Variants in SEMA5A observed in about 807,000 individuals in gnomAD.
SEMA5A encodes semaphorin-5A.
SEMA5A carries 55 observed loss-of-function variants against 135.5 expected under a neutral mutation model. The ratio of observed to expected loss-of-function variants is 0.41; its 90% confidence interval spans 0.33 to 0.51. SEMA5A has a LOEUF of 0.51. Ranked by LOEUF, SEMA5A falls within the 20% of genes least tolerant of loss-of-function variation. The pLI is 0.37. For synonymous variants in SEMA5A, 580 were observed against 546.5 expected (o/e 1.06, Z -0.85); for missense variants, 1,290 against 1,419.9 (o/e 0.91, Z 1.47).
intron 3 of SEMA5A, among the ~76,000 whole-genome samples, chr5:9,371,104 C>T (rs936586410): frequency 6.6e-6 from 1 of 152,130 alleles, no homozygotes; most frequent in African/African-American, 2.4e-5. Flanking sequence ...ACTTTACTTA[C>T]AAGCAATCCA....
chr5:9,498,262 G>A (rs1165056087), intron 1 of SEMA5A: 2 of 152,098 alleles, frequency 1.3e-5, no homozygotes, highest in Non-Finnish European at 2.9e-5. Context: ...AACCATCCTG[G>A]GGCCAGGCAC....
At chr5:9,169,584 C>T (rs557497845) in intron 11 of SEMA5A, among the ~76,000 whole-genome samples, 1 of 152,156 alleles carries the variant, frequency 6.6e-6, no homozygotes, top group Non-Finnish European at 1.5e-5. Flanking sequence ...GGCTTGCTCA[C>T]CTGACATTCT....
chr5:9,158,517 AAAAT>A (rs199844455), intron 11 of SEMA5A, among the ~76,000 whole-genome samples: 1 of 134,634 alleles, frequency 7.4e-6, no homozygotes, highest in South Asian at 2.6e-4. Context: ...AAAAAAAAAA[AAAAT>A]AGGCATTTCC....
intron 11 of SEMA5A, among the ~76,000 whole-genome samples, chr5:9,164,611 G>A (rs906032296): frequency 5.9e-5 from 9 of 151,956 alleles, no homozygotes; most frequent in Admixed American, 3.3e-4. Context: ...GTCATAGGAC[G>A]TATAACATTT....
Position 9,198,938 on chromosome 5 carries a change from T to C in SEMA5A, c.933-1635A>G, listed in dbSNP as rs541806335. Among the ~76,000 whole-genome samples the C allele has an allele frequency of 7.2e-5, 11 of 152,278 alleles. No individual in the cohort carries two copies. In the East Asian group the frequency reaches 1.9e-3, roughly 27 times the overall value. ...TTCCCTGAGCCCCCTGCTAAGCACT[T>C]GATACAGATCATCTAATTTCTCACT... On this transcript the variant is annotated intron_variant, in intron 9 of 22. Transcript: ENST00000382496.
At chr5:9,267,987 C>T (rs960943232) in intron 5 of SEMA5A, among the ~76,000 whole-genome samples, 2 of 152,104 alleles carry the variant, frequency 1.3e-5, no homozygotes, top group Non-Finnish European at 2.9e-5. Flanking sequence ...TAAGTTATCA[C>T]ATCCTGTATC....
At chr5:9,114,474 T>C (rs1740408825) in intron 15 of SEMA5A, among the ~76,000 whole-genome samples, 1 of 152,190 alleles carries the variant, frequency 6.6e-6, no homozygotes, top group African/African-American at 2.4e-5. Flanking sequence ...TTTGTGTGTG[T>C]GTGTGTAAAA....
intron 3 of SEMA5A, among the ~76,000 whole-genome samples, chr5:9,372,969 A>C (rs16882572): frequency 0.075 from 11,389 of 152,256 alleles, 503 homozygotes; most frequent in Non-Finnish European, 0.094. Flanking sequence ...ACAAGACAGC[A>C]CGGGGTCAAG....
At chr5:9,233,354 GAT>G (rs1410206207) in intron 6 of SEMA5A, among the ~76,000 whole-genome samples, 1 of 152,162 alleles carries the variant, frequency 6.6e-6, no homozygotes, top group Non-Finnish European at 1.5e-5. Context: ...TTGTGTAAAA[GAT>G]ACTTAAGTAG....
chr5:9,173,487 T>C (rs1306518240), intron 11 of SEMA5A, among the ~76,000 whole-genome samples: 2 of 152,048 alleles, frequency 1.3e-5, no homozygotes, highest in Non-Finnish European at 2.9e-5. Context: ...AGATTTGATG[T>C]CTGGTCACAG....
chr5:9,055,801 A>G (rs1264498908), intron 18 of SEMA5A, among the ~76,000 whole-genome samples: 1 of 152,074 alleles, frequency 6.6e-6, no homozygotes, highest in Non-Finnish European at 1.5e-5. Context: ...AGTTAGAGGA[A>G]TTGATCAAGT....
intron 2 of SEMA5A, among the ~76,000 whole-genome samples, chr5:9,436,691 A>C (rs907809576): frequency 2.3e-4 from 35 of 152,252 alleles, no homozygotes; most frequent in African/African-American, 8.0e-4. Context: ...AGAAAAATAA[A>C]TAAGTTAATA....
chr5:9,350,322 ATAAG>A (rs1298238019), intron 3 of SEMA5A, among the ~76,000 whole-genome samples: 14 of 152,338 alleles, frequency 9.2e-5, no homozygotes, highest in Admixed American at 4.6e-4. Context: ...AACCGTATTC[ATAAG>A]TGAGTAGTTT....
intron 1 of SEMA5A, among the ~76,000 whole-genome samples, chr5:9,536,959 G>C (rs1378520730): frequency 6.6e-6 from 1 of 152,116 alleles, no homozygotes; most frequent in Non-Finnish European, 1.5e-5. Context: ...GTGAACATTC[G>C]AGGCCCTTCC....
intron 12 of SEMA5A, among the ~76,000 whole-genome samples, chr5:9,150,044 C>G (rs1193046021): frequency 6.6e-6 from 1 of 152,174 alleles, no homozygotes; most frequent in Non-Finnish European, 1.5e-5. Flanking sequence ...TCATCATGTT[C>G]CCCAAGCTAG....
chr5:9,412,563 T>C (rs1156376426), intron 2 of SEMA5A, among the ~76,000 whole-genome samples: 3 of 150,242 alleles, frequency 2.0e-5, no homozygotes, highest in Non-Finnish European at 3.0e-5. Flanking sequence ...TCTGAAATGC[T>C]TGGGGCCAGA....
At chr5:9,212,602 G>A (rs1746400472) in intron 8 of SEMA5A, among the ~76,000 whole-genome samples, 1 of 152,088 alleles carries the variant, frequency 6.6e-6, no homozygotes, top group South Asian at 2.1e-4. Flanking sequence ...TTTTGGACCA[G>A]GTTCAATTTC....
rs1741749984 is a variant in SEMA5A, at chr5:9,136,412, T to G, written c.1599+92A>C. The G allele has an allele frequency of 7.5e-6, 8 of 1,063,306 alleles. No individual in the cohort carries two copies. The South Asian group carries it at 1.1e-4, about 14-fold the overall frequency. The allele number at this position is 1,063,306 out of a possible 1,614,324, so 65.9% of individuals were successfully genotyped here. A position where few individuals can be genotyped will look rare whatever the true frequency, so the allele number is the denominator to read the frequency against. Reference sequence around the variant, plus strand: ...CAAAAATGGTTCTCATATGAAAAGGTGCAGACAGCGTGACAGTGTGACTGA... The same window carrying G: ...CAAAAATGGTTCTCATATGAAAAGGGGCAGACAGCGTGACAGTGTGACTGA... On this transcript the variant is annotated intron_variant, in intron 13 of 22. Coordinates refer to ENST00000382496, the MANE Select transcript of SEMA5A (RefSeq NM_003966.3).
intron 5 of SEMA5A, among the ~76,000 whole-genome samples, chr5:9,296,439 A>G (rs1579298468): frequency 6.6e-6 from 1 of 152,214 alleles, no homozygotes; most frequent in Admixed American, 6.5e-5. Flanking sequence ...CTATAAGTAC[A>G]TGATGTGACA....
Sources: gnomAD v4.1 joint callset for allele counts (sites outside exome capture counted in the v4.1 genomes callset) on GRCh38, gnomAD v4.1.1 for gene constraint, MANE v1.5 for transcripts, NCBI Gene and HGNC (gene_info 2026-07-23, HGNC 2026-07-21) for gene names.